Variants in ZFHX3 observed in about 807,000 individuals in gnomAD.
The protein encoded by ZFHX3 is zinc finger homeobox protein 3.
ZFHX3 carries 42 observed loss-of-function variants against 279.1 expected under a neutral mutation model. That is an observed-to-expected ratio of 0.15 (90% CI 0.12 to 0.19). The LOEUF (loss-of-function observed/expected upper bound fraction) is 0.19, where lower values mean the gene tolerates loss of function less well. Ranked by LOEUF, ZFHX3 falls within the 10% of genes least tolerant of loss-of-function variation. The probability of loss-of-function intolerance (pLI) is 1.00; values close to 1 mark genes in which losing one functional copy is unlikely to be tolerated. For synonymous variants in ZFHX3, 2,293 were observed against 1,957.8 expected (o/e 1.17, Z -4.52); for missense variants, 4,981 against 4,754.0 (o/e 1.05, Z -1.40).
chr16:73,307,716 G>A (rs1490430047), intron 4 of ZFHX3, among the ~76,000 whole-genome samples: 2 of 152,042 alleles, frequency 1.3e-5, no homozygotes, highest in African/African-American at 4.8e-5. Context: ...TACTATCCTG[G>A]GTTGTTAAAA....
In ZFHX3 at chr16:72,811,549, C is replaced by G. The variant is rs1189592917; in HGVS notation, c.3864+28G>C. ...ATCACCTTTGACCCTGGAGAAAGAC[C>G]ACAGGGTGCTGCTCCTGGCTGCCTT... On this transcript the variant is annotated intron_variant, in intron 7 of 9. Coordinates refer to ENST00000268489, the MANE Select transcript of ZFHX3 (RefSeq NM_006885.4). 3 of 1,546,152 alleles carry G rather than the reference C, an allele frequency of 1.9e-6. No individual in the cohort carries two copies. The African/African-American group carries it at 4.1e-5, about 21-fold the overall frequency.
At position 72,794,830 on chromosome 16, in the gene ZFHX3, G is replaced by C. The variant is rs1378582797; in HGVS notation, c.7852C>G (p.Leu2618Val). ...GGGCTTGCACTGGCCTTTTCCTCCA[G>C]CTTCCTCTTGAGAGTGTTCATTGTG... ...TSTMNTLKRK[L>V]EEKASASPGE... is the part of the protein sequence containing the mutation. Residue 2618 changes from leucine to valine, a missense_variant, in exon 9 of 10, where the codon CTG becomes GTG. This residue lies in a region of ZFHX3 where 744 missense variants were observed against 701.3 expected (regional missense o/e 1.06). Coordinates refer to ENST00000268489, the MANE Select transcript of ZFHX3 (RefSeq NM_006885.4). This position sits in a 1 kb window ranked among gnomAD's most constrained non-coding sequence, Gnocchi z 4.2. 2 of 1,614,062 alleles carry C rather than the reference G, an allele frequency of 1.2e-6. No homozygotes were observed. The highest frequency in any genetic ancestry group is 1.3e-5 in the African/African-American group (1 of 75,046).
chr16:73,207,388 G>T (rs567292788), intron 5 of ZFHX3, among the ~76,000 whole-genome samples: 2 of 152,316 alleles, frequency 1.3e-5, no homozygotes, highest in South Asian at 4.1e-4. Context: ...GTTTACCAAT[G>T]TAGGATATAA....
chr16:72,810,142 C>T (rs1479637089), intron 7 of ZFHX3, among the ~76,000 whole-genome samples: 2 of 151,852 alleles, frequency 1.3e-5, no homozygotes, highest in Admixed American at 1.3e-4. Flanking sequence ...CCTTGGCCTC[C>T]CAAAGTGCTG....
chr16:73,250,453 T>C (rs28742971), intron 5 of ZFHX3, among the ~76,000 whole-genome samples: 1 of 151,894 alleles, frequency 6.6e-6, no homozygotes, highest in Non-Finnish European at 1.5e-5. Context: ...ATTTTTAATT[T>C]TACAATTCAG....
rs2035858119 is a variant in ZFHX3, at chr16:72,795,172, G to A, written c.7510C>T (p.Leu2504Phe). The change falls in exon 9 of 10, where the codon CTC becomes TTC. Residue 2504 changes from leucine to phenylalanine, a missense_variant. Transcript: ENST00000268489. The stretch of plus-strand genomic sequence containing the variant: ...AGGGGCTTGAGGGGCAGGTGGGAGA[G>A]CTGGGAAGGACTGGGGCTCGACTGG... ...LPQSSPSPSQ[L>F]SHLPLKPLHT... is the part of the protein sequence containing the mutation. The A allele has an allele frequency of 1.2e-6, 2 of 1,610,342 alleles. No homozygotes were observed. Among genetic ancestry groups the A allele is most frequent in the East Asian group, 2.2e-5 (1 of 44,800 alleles).
chr16:73,474,377 G>T (rs1379506181), intron 2 of ZFHX3, among the ~76,000 whole-genome samples: 1 of 152,164 alleles, frequency 6.6e-6, no homozygotes, highest in African/African-American at 2.4e-5. Flanking sequence ...TCGAACTCCT[G>T]ACCTCAGGTG....
chr16:73,335,287 C>T (rs11150387), intron 3 of ZFHX3, among the ~76,000 whole-genome samples: 8,897 of 152,126 alleles, frequency 0.058, 345 homozygotes, highest in East Asian at 0.11. Context: ...CCTATGACTT[C>T]GATTTTTCCA....
intron 7 of ZFHX3, among the ~76,000 whole-genome samples, chr16:73,119,325 T>C (rs920253307): frequency 2.6e-5 from 4 of 152,114 alleles, no homozygotes; most frequent in Non-Finnish European, 5.9e-5. Context: ...TAGGCTGGTC[T>C]CCAACTTCTG....
chr16:73,630,326 C>G (rs1345847747), intron 2 of ZFHX3, among the ~76,000 whole-genome samples: 2 of 152,214 alleles, frequency 1.3e-5, no homozygotes, highest in African/African-American at 2.4e-5. Context: ...TGACCCTGCT[C>G]TCAGAAGGAA....
intron 3 of ZFHX3, among the ~76,000 whole-genome samples, chr16:72,925,859 T>C (rs1441925610): frequency 1.3e-5 from 2 of 152,104 alleles, no homozygotes; most frequent in East Asian, 1.9e-4. Context: ...AGGAGGAAAA[T>C]GCAAAGAGGC....
intron 3 of ZFHX3, among the ~76,000 whole-genome samples, chr16:73,338,044 AATCAAAACCCTAACTGATCTTGCTC>A (rs1387871866): frequency 1.3e-5 from 2 of 152,016 alleles, no homozygotes; most frequent in Non-Finnish European, 2.9e-5. Context: ...TAAGTTGCTC[AATCAAAACCCTAACTGATCTTGCTC>A]ATCAAAACCC....
chr16:73,320,118 C>A (rs546373178), intron 3 of ZFHX3, among the ~76,000 whole-genome samples: 6 of 152,260 alleles, frequency 3.9e-5, no homozygotes, highest in South Asian at 2.1e-4. Flanking sequence ...CGCAGGGATG[C>A]AATCACTATG....
At chr16:73,325,334 T>G (rs1344498027) in intron 3 of ZFHX3, among the ~76,000 whole-genome samples, 1 of 152,206 alleles carries the variant, frequency 6.6e-6, no homozygotes, top group African/African-American at 2.4e-5. Flanking sequence ...GTATTAAGAT[T>G]GCCTAAAAAT....
At chr16:73,146,314 G>C (rs974660205) in intron 5 of ZFHX3, among the ~76,000 whole-genome samples, 6 of 152,150 alleles carry the variant, frequency 3.9e-5, no homozygotes, top group African/African-American at 1.2e-4. Flanking sequence ...TGTAGCCACA[G>C]CTACTTGGGA....
chr16:73,571,602 A>G (rs1264903153), intron 2 of ZFHX3, among the ~76,000 whole-genome samples: 2 of 151,992 alleles, frequency 1.3e-5, no homozygotes, highest in Admixed American at 1.3e-4. Flanking sequence ...TATACAGACC[A>G]ACACACATAA....
At chr16:73,074,174 G>A (rs890660173) in intron 8 of ZFHX3, among the ~76,000 whole-genome samples, 1 of 152,200 alleles carries the variant, frequency 6.6e-6, no homozygotes, top group Non-Finnish European at 1.5e-5. Flanking sequence ...CAACTTTGGA[G>A]GTATCTGGAG....
intron 5 of ZFHX3, among the ~76,000 whole-genome samples, chr16:73,183,605 T>TACAGCCCAGACTTC (rs1967848185): frequency 6.6e-6 from 1 of 152,236 alleles, no homozygotes; most frequent in African/African-American, 2.4e-5. Flanking sequence ...TGGTTGGGGC[T>TACAGCCCAGACTTC]ACAGCCCAGA....
At chr16:73,515,153 A>T (rs749562701) in intron 2 of ZFHX3, among the ~76,000 whole-genome samples, 1 of 152,198 alleles carries the variant, frequency 6.6e-6, no homozygotes, top group Admixed American at 6.5e-5. Flanking sequence ...TTTTATCTGC[A>T]TAACTTTCAT....
Sources: allele counts gnomAD v4.1 joint callset (sites outside exome capture counted in the v4.1 genomes callset), GRCh38; gene constraint gnomAD v4.1.1; regional missense constraint gnomAD v4.1.1; non-coding constraint Gnocchi (gnomAD v3.1); transcripts MANE v1.5; gene names NCBI Gene and HGNC (gene_info 2026-07-23, HGNC 2026-07-21).